DNASE1: variants seen among roughly 807,000 people sequenced by gnomAD.
The protein encoded by DNASE1 is deoxyribonuclease-1.
DNASE1 carries 40 observed loss-of-function variants against 33.9 expected under a neutral mutation model. The observed-to-expected ratio is 1.18, with a 90% CI of 0.92 to 1.54. The LOEUF is 1.54. Ranked by LOEUF, DNASE1 falls within the 40% of genes most tolerant of loss-of-function variation. The pLI is 0.00. For missense variants in DNASE1, 518 were observed against 372.6 expected (o/e 1.39, Z -3.21); for synonymous variants, 216 against 160.0 (o/e 1.35, Z -2.64).
intron 1 of DNASE1, among the ~76,000 whole-genome samples, chr16:3,647,954 G>C (rs1356572564): frequency 6.6e-6 from 1 of 151,890 alleles, no homozygotes; most frequent in East Asian, 1.9e-4. Context: ...GATCACTTGA[G>C]GCCAGGAGTT....
chr16:3,625,625 A>T (rs543535714), intron 1 of DNASE1, among the ~76,000 whole-genome samples: 6 of 152,220 alleles, frequency 3.9e-5, no homozygotes, highest in African/African-American at 1.4e-4. Context: ...CCTGTGTCAA[A>T]AAATAAATAA....
downstream of DNASE1, chr16:3,663,089 G>C: frequency 1.3e-6 from 1 of 771,248 alleles, no homozygotes; most frequent in Middle Eastern, 3.8e-4. Context: ...ACACAAGCTA[G>C]CAAGATGCTT....
chr16:3,648,369 T>G (rs1252111294), intron 1 of DNASE1, among the ~76,000 whole-genome samples: 1 of 152,186 alleles, frequency 6.6e-6, no homozygotes, highest in Non-Finnish European at 1.5e-5. Context: ...GAGACCATCC[T>G]GGCTAACATG....
intron 1 of DNASE1, among the ~76,000 whole-genome samples, chr16:3,645,159 A>G (rs556497690): frequency 6.6e-6 from 1 of 152,190 alleles, no homozygotes; most frequent in Non-Finnish European, 1.5e-5. Flanking sequence ...AAAAGTAAAA[A>G]GAAAATCCCT....
At chr16:3,642,561 C>T (rs757765977), upstream of DNASE1, among the ~76,000 whole-genome samples, 7 of 152,108 alleles carry the variant, frequency 4.6e-5, no homozygotes, top group Non-Finnish European at 1.0e-4. Context: ...TGCCACGGCC[C>T]AGGCCCTGCT....
chr16:3,651,245 AGCAT>A (rs1470218113), upstream of DNASE1: 1 of 152,208 alleles, frequency 6.6e-6, no homozygotes, highest in Non-Finnish European at 1.5e-5. Flanking sequence ...GCCAAATCAG[AGCAT>A]GTGACCTGGC....
chr16:3,635,882 G>T (rs1370457128), intron 1 of DNASE1, among the ~76,000 whole-genome samples: 1 of 152,004 alleles, frequency 6.6e-6, no homozygotes, highest in African/African-American at 2.4e-5. Context: ...GTAGTTTATT[G>T]TATGCTTACA....
At chr16:3,654,308 G>A (rs2042457336), upstream of DNASE1, 1 of 398,488 alleles carries the variant, frequency 2.5e-6, no homozygotes, top group Non-Finnish European at 4.4e-6. Flanking sequence ...CACCTGTCCT[G>A]GCCCCACGGC....
At chr16:3,663,400 G>A (rs372308841) in exon 10 of DNASE1, 29 of 1,613,622 alleles carry the variant, frequency 1.8e-5, no homozygotes, top group South Asian at 1.8e-4. Context: ...CCAGCCCCAC[G>A]CCTAGAGAGC....
Position 3,656,195 on chromosome 16 carries a change from C to A in DNASE1, c.320+10C>A, listed in dbSNP as rs1287273706. Reference sequence around the variant, plus strand: ...ACCTGTTCGTGTACAGGTGGGTGGTCTAGAAAGCCAGGAAGCCCCTCCCTC... The same window carrying A: ...ACCTGTTCGTGTACAGGTGGGTGGTATAGAAAGCCAGGAAGCCCCTCCCTC... On this transcript the variant is annotated intron_variant, in intron 4 of 8. Coordinates refer to ENST00000246949, the MANE Select transcript of DNASE1 (RefSeq NM_005223.4). The A allele has an allele frequency of 6.2e-7, 1 of 1,613,652 alleles. No individual in the cohort carries two copies. Among genetic ancestry groups the A allele is most frequent in the South Asian group, 1.1e-5 (1 of 91,064 alleles).
intron 1 of DNASE1, among the ~76,000 whole-genome samples, chr16:3,615,771 C>A (rs1335065309): frequency 1.3e-5 from 2 of 152,206 alleles, no homozygotes; most frequent in Non-Finnish European, 2.9e-5. Flanking sequence ...GTTGAAGATG[C>A]TGTGATGATC....
At chr16:3,653,840 A>AAT (rs2042433964), upstream of DNASE1, 1 of 124,890 alleles carries the variant, frequency 8.0e-6, no homozygotes, top group African/African-American at 2.7e-5. Context: ...AAAAAAAAAA[A>AAT]ACTGAGCATG....
chr16:3,627,564 G>C (rs1433969892), intron 1 of DNASE1, among the ~76,000 whole-genome samples: 1 of 152,062 alleles, frequency 6.6e-6, no homozygotes, highest in African/African-American at 2.4e-5. Context: ...AGTGCACCTG[G>C]CTTGTCTGTG....
upstream of DNASE1, among the ~76,000 whole-genome samples, chr16:3,638,587 C>T (rs1421545151): frequency 1.3e-5 from 2 of 152,230 alleles, no homozygotes; most frequent in Admixed American, 6.5e-5. Context: ...ATCCGCCTGC[C>T]TCGGCCTCCC....
At chr16:3,657,636 G>C in intron 7 of DNASE1, 84 bp from the exon 8 acceptor site, 2 of 1,566,502 alleles carry the variant, frequency 1.3e-6, no homozygotes, top group Admixed American at 1.8e-5. Flanking sequence ...GCAGGTCCCA[G>C]GGCTCTTAGT....
chr16:3,658,930 T>TTTGGGATTA (rs2151231487), downstream of DNASE1: 1 of 1,544,498 alleles, frequency 6.5e-7, no homozygotes, highest in East Asian at 2.3e-5. Context: ...CCCTTCATGT[T>TTTGGGATTA]TTGGGATTAT....
At chr16:3,627,469 G>T (rs2041550592) in intron 1 of DNASE1, among the ~76,000 whole-genome samples, 1 of 151,766 alleles carries the variant, frequency 6.6e-6, no homozygotes, top group Non-Finnish European at 1.5e-5. Context: ...TAGAGACAAG[G>T]CCTCACTATG....
intron 1 of DNASE1, among the ~76,000 whole-genome samples, chr16:3,613,230 G>A (rs11076781): frequency 0.22 from 33,142 of 152,044 alleles, 3,741 homozygotes; most frequent in East Asian, 0.29. Context: ...GGGATCATGT[G>A]ATACTTGGCT....
chr16:3,662,894 GAC>G, downstream of DNASE1: 1 of 1,613,560 alleles, frequency 6.2e-7, no homozygotes, highest in Non-Finnish European at 8.5e-7. Context: ...TCACGTTGGT[GAC>G]ACGCGACCCC....
Sources: gnomAD v4.1 joint callset for allele counts (sites outside exome capture counted in the v4.1 genomes callset) on GRCh38, gnomAD v4.1.1 for gene constraint, MANE v1.5 for transcripts, NCBI Gene and HGNC (gene_info 2026-07-23, HGNC 2026-07-21) for gene names.